PPIL2: variants seen among roughly 807,000 people sequenced by gnomAD.
The protein encoded by PPIL2 is RING-type E3 ubiquitin-protein ligase PPIL2.
PPIL2 carries 50 observed loss-of-function variants against 75.2 expected under a neutral mutation model. That is an observed-to-expected ratio of 0.66 (90% confidence interval 0.53 to 0.84). The LOEUF is 0.84. Among genes scored for constraint, PPIL2 ranks in the 40% least tolerant of loss-of-function variants. PPIL2 has a pLI of 0.00. For missense variants in PPIL2, 590 were observed against 685.0 expected (o/e 0.86, Z 1.55); for synonymous variants, 245 against 258.8 (o/e 0.95, Z 0.51).
Position 21,696,140 on chromosome 22 carries a change from C to T in PPIL2, c.*650C>T, listed in dbSNP as rs2067919521. On this transcript the variant is annotated 3_prime_UTR_variant, in exon 20 of 20. Coordinates refer to ENST00000398831, the MANE Select transcript of PPIL2 (RefSeq NM_014337.4). Reference sequence around the variant, plus strand: ...CTAAGCCTCTGCAGGGTGGGCTTCTCGGTCTGTTTTGACAAAACTTCAGGG... The same window carrying T: ...CTAAGCCTCTGCAGGGTGGGCTTCTTGGTCTGTTTTGACAAAACTTCAGGG... 7.0e-6 allele frequency: 7 copies of T among 996,552 alleles called. No homozygotes were observed. Among genetic ancestry groups the T allele is most frequent in the Non-Finnish European group, 8.4e-6 (7 of 835,856 alleles). The allele number at this position is 996,552 out of a possible 1,614,324, so 61.7% of individuals were successfully genotyped here. A position where few individuals can be genotyped will look rare whatever the true frequency, so the allele number is the denominator to read the frequency against.
In PPIL2 at chr22:21,696,853, G is replaced by T. The variant is rs2067957371; in HGVS notation, c.*1363G>T. The T allele has an allele frequency of 6.3e-7, 1 of 1,579,078 alleles. No individual in the cohort carries two copies. The highest frequency in any genetic ancestry group is 8.6e-7 in the Non-Finnish European group (1 of 1,163,198). On this transcript the variant is annotated 3_prime_UTR_variant, in exon 20 of 20. Coordinates refer to ENST00000398831, the MANE Select transcript of PPIL2 (RefSeq NM_014337.4). ...CTGGATGCTGGGTGGCGCCTCATCTGCATCTCTGCCTCACCCCATCCACTG... is the reference window on the plus strand; with the variant it reads ...CTGGATGCTGGGTGGCGCCTCATCTTCATCTCTGCCTCACCCCATCCACTG...
intron 15 of PPIL2, among the ~76,000 whole-genome samples, chr22:21,692,214 GGC>G (rs1252018359): frequency 6.6e-6 from 1 of 151,542 alleles, no homozygotes; most frequent in African/African-American, 2.4e-5. Flanking sequence ...GGAGTGCAGC[GGC>G]GCGATCTCGG....
In PPIL2 at chr22:21,697,676, C is replaced by A. The variant is rs1410978211; in HGVS notation, c.*2186C>A. 2 of 152,592 alleles carry A rather than the reference C, an allele frequency of 1.3e-5. No homozygotes were observed. The highest frequency in any genetic ancestry group is 2.9e-5 in the Non-Finnish European group (2 of 68,246). The allele number at this position is 152,592 out of a possible 1,614,324, so 9.5% of individuals were successfully genotyped here. ...GTCCTGCTCCTTGCAGTGAAGCCAC[C>A]ATGGGTGACCGTCCAGCCTCACCCG... On this transcript the variant is annotated 3_prime_UTR_variant, in exon 20 of 20. Transcript: ENST00000398831.
Position 21,694,787 on chromosome 22 carries a change from C to T in PPIL2, c.1302C>T (p.Phe434=), listed in dbSNP as rs148599036. 1.7e-5 allele frequency: 27 copies of T among 1,607,470 alleles called. No individual in the cohort carries two copies. The highest frequency in any genetic ancestry group is 8.0e-5 in the African/African-American group (6 of 74,946). ...TCCGCATTGATGCCACTACAGTGTT[C>T]GTGGACCCCTATGAGGAGGCCGATG... is the stretch of plus-strand genomic sequence containing the variant. The part of the protein sequence containing the change: ...EEIRIDATTV[F]VDPYEEADAQ... The change falls in exon 18 of 20, where the codon TTC becomes TTT. Residue 434 remains phenylalanine (F), a synonymous_variant. Coordinates refer to ENST00000398831, the MANE Select transcript of PPIL2 (RefSeq NM_014337.4).
intron 15 of PPIL2, among the ~76,000 whole-genome samples, chr22:21,690,850 T>C (rs1386015773): frequency 1.3e-5 from 2 of 152,212 alleles, no homozygotes. Context: ...GCGTGGTTTG[T>C]TTTTGTTGTT....
chr22:21,686,386 C>A, intron 10 of PPIL2, 97 bp from the exon 11 acceptor site: 2 of 1,167,844 alleles, frequency 1.7e-6, no homozygotes, highest in African/African-American at 1.5e-5. Flanking sequence ...GCCTGGGGGG[C>A]AGGGGTGGCG....
chr22:21,697,120 T>C lies in PPIL2; in HGVS notation c.*1630T>C. 1 of 949,158 alleles carries C rather than the reference T, an allele frequency of 1.1e-6. No individual in the cohort carries two copies. The highest frequency in any genetic ancestry group is 1.5e-6 in the Non-Finnish European group (1 of 645,324). 58.8% of individuals were successfully genotyped at this position (949,158 alleles called of 1,614,324 possible). A position where few individuals can be genotyped will look rare whatever the true frequency, so the allele number is the denominator to read the frequency against. On this transcript the variant is annotated 3_prime_UTR_variant, in exon 20 of 20. Coordinates refer to ENST00000398831, the MANE Select transcript of PPIL2 (RefSeq NM_014337.4). Reference sequence around the variant, plus strand: ...GCCAGGCACTGTCCTCCGCAAGGCCTGGTGCAGCCCTGGCAGTAACTGGCT... The same window carrying C: ...GCCAGGCACTGTCCTCCGCAAGGCCCGGTGCAGCCCTGGCAGTAACTGGCT...
At chr22:21,672,779 G>A (rs2066685390) in intron 5 of PPIL2, among the ~76,000 whole-genome samples, 1 of 152,210 alleles carries the variant, frequency 6.6e-6, no homozygotes. Flanking sequence ...TGCCCTTCCT[G>A]TTGGAATTAC....
chr22:21,690,591 T>C (rs2067577736), intron 15 of PPIL2, among the ~76,000 whole-genome samples: 1 of 152,202 alleles, frequency 6.6e-6, no homozygotes, highest in Admixed American at 6.5e-5. Context: ...TTAGTGGTCT[T>C]TGAAGGGTTT....
chr22:21,693,949 T>C, intron 16 of PPIL2, 77 bp downstream of exon 16: 1 of 1,449,660 alleles, frequency 6.9e-7, no homozygotes, highest in Non-Finnish European at 9.7e-7. Flanking sequence ...GCCTCCTCAC[T>C]GCCTTTTTCG....
At chr22:21,694,222 A>T (rs1286287744) in intron 16 of PPIL2, among the ~76,000 whole-genome samples, 2 of 151,892 alleles carry the variant, frequency 1.3e-5, no homozygotes, top group African/African-American at 2.4e-5. Context: ...GTGGTCTCTG[A>T]CGCCCACCCA....
chr22:21,688,218 G>GA, intron 14 of PPIL2, 112 bp downstream of exon 14: 1 of 1,381,898 alleles, frequency 7.2e-7, no homozygotes, highest in Non-Finnish European at 1.0e-6. Flanking sequence ...GCTAGACCAG[G>GA]GTGGAACGAC....
Position 21,695,444 on chromosome 22 carries a change from C to T in PPIL2, c.1517C>T (p.Ser506Phe), listed in dbSNP as rs1338499164. 1.2e-6 allele frequency: 2 copies of T among 1,610,444 alleles called. No individual in the cohort carries two copies. Among genetic ancestry groups the T allele is most frequent in the Non-Finnish European group, 1.7e-6 (2 of 1,178,386 alleles). The change falls in exon 20 of 20, where the codon TCC (serine) becomes TTC (phenylalanine). Residue 506 changes from serine to phenylalanine, a missense_variant. Physicochemically the swap from Ser to Phe is radical, Grantham distance 155. Transcript: ENST00000398831. ...EPSTSATVPM[S>F]KKKPSRGFGD... ...TCAACCAGTGCCACTGTCCCCATGT[C>T]CAAGAAGAAGCCCAGTCGGGGTTTT...
rs2067857508 is a variant in PPIL2 at position 21,694,994 on chromosome 22, A to C, written c.1390A>C (p.Ser464Arg). Residue 464 changes from serine to arginine, a missense_variant, in exon 19 of 20, where the codon AGC (serine) becomes CGC (arginine). Physicochemically the swap from Ser to Arg is moderately radical, Grantham distance 110 (BLOSUM62 -1). Coordinates refer to ENST00000398831, the MANE Select transcript of PPIL2 (RefSeq NM_014337.4). ...AGCCCCGGAGACCAAAGTGAAGAGC[A>C]GCCAGCCCCAGGCAGGGAGCCAGGG... ...KVAPETKVKS[S>R]QPQAGSQGPQ... The C allele has an allele frequency of 6.2e-7, 1 of 1,613,736 alleles. No homozygotes were observed. The highest frequency in any genetic ancestry group is 1.1e-5 in the South Asian group (1 of 91,090).
rs2067970983 is a variant in PPIL2 at position 21,697,180 on chromosome 22, AG to A, written c.*1692del. The A allele has an allele frequency of 3.2e-6, 2 of 624,388 alleles. No individual in the cohort carries two copies. Among genetic ancestry groups the A allele is most frequent in the East Asian group, 5.6e-5 (2 of 35,710 alleles). The allele number at this position is 624,388 out of a possible 1,614,324, so 38.7% of individuals were successfully genotyped here. On this transcript the variant is annotated 3_prime_UTR_variant, in exon 20 of 20. Coordinates refer to ENST00000398831, the MANE Select transcript of PPIL2 (RefSeq NM_014337.4). ...CTCAGACACCAAGCTGGGCCTGCAG[AG>A]GAGGGGCACAGTAGGACACAGTGAC...
At chr22:21,688,252 C>G (rs949944738) in intron 14 of PPIL2, 146 bp downstream of exon 14, 15 of 1,078,602 alleles carry the variant, frequency 1.4e-5, no homozygotes, top group Middle Eastern at 5.2e-4. Context: ...TGCTGTGCCC[C>G]CTCAGGCCTG....
At chr22:21,668,583 T>C (rs540513665) in intron 1 of PPIL2, among the ~76,000 whole-genome samples, 2 of 150,256 alleles carry the variant, frequency 1.3e-5, no homozygotes, top group East Asian at 4.0e-4. Flanking sequence ...GAGCCGACAT[T>C]GCACAACTGC....
Position 21,694,768 on chromosome 22 carries a change from T to C in PPIL2, c.1283T>C (p.Ile428Thr), listed in dbSNP as rs765399281. 17 of 1,609,734 alleles carry C rather than the reference T, an allele frequency of 1.1e-5. No individual in the cohort carries two copies. The Admixed American group carries it at 1.2e-4, about 11-fold the overall frequency. The stretch of plus-strand genomic sequence containing the variant: ...CTTTGCTGCTAGGAGGAGATCCGCA[T>C]TGATGCCACTACAGTGTTCGTGGAC... ...KTDRPKEEIR[I>T]DATTVFVDPY... The change falls in exon 18 of 20, where the codon ATT (isoleucine) becomes ACT (threonine). Residue 428 changes from isoleucine to threonine, a missense_variant. Ile to Thr is a moderately conservative substitution (Grantham distance 89, BLOSUM62 -1). Coordinates refer to ENST00000398831, the MANE Select transcript of PPIL2 (RefSeq NM_014337.4).
chr22:21,689,043 G>A (rs1344120282), intron 15 of PPIL2, among the ~76,000 whole-genome samples, 194 bp downstream of exon 15: 3 of 152,246 alleles, frequency 2.0e-5, no homozygotes, highest in Non-Finnish European at 4.4e-5. Flanking sequence ...AGAGCTGCCC[G>A]CACCGGGTGT....
Sources: gnomAD v4.1 joint callset for allele counts (sites outside exome capture counted in the v4.1 genomes callset) on GRCh38, gnomAD v4.1.1 for gene constraint, MANE v1.5 for transcripts, NCBI Gene and HGNC (gene_info 2026-07-23, HGNC 2026-07-21) for gene names.